DCAF8L2: variants seen among roughly 807,000 people sequenced by gnomAD.
The protein encoded by DCAF8L2 is DDB1- and CUL4-associated factor 8-like protein 2.
For synonymous variants in DCAF8L2, 200 were observed against 190.9 expected (o/e 1.05, Z -0.39); for missense variants, 430 against 490.7 (o/e 0.88, Z 1.17).
At chrX:27,530,769 G>A in the DCAF8L2 span, among the ~76,000 whole-genome samples, 4 of 111,875 alleles carry the variant, frequency 3.6e-5, no homozygotes, top group East Asian at 1.1e-3. Flanking sequence ...TTGAGGTACG[G>A]TCATATTATT....
upstream of DCAF8L2, among the ~76,000 whole-genome samples, chrX:27,587,985 A>ATATATATATATATATATAT (rs1555915915): frequency 4.5e-5 from 1 of 22,371 alleles, no homozygotes; most frequent in African/African-American, 9.8e-5. Context: ...TAAAAAAAAA[A>ATATATATATATATATATAT]ATATATATAT....
the DCAF8L2 span, among the ~76,000 whole-genome samples, chrX:27,552,422 A>C: frequency 9.0e-6 from 1 of 111,201 alleles, no homozygotes; most frequent in South Asian, 3.8e-4. Context: ...GTAGTTTTAT[A>C]ATTTTGAGTT....
chrX:27,713,431 GAAAC>G (rs1931594356), intron 3 of DCAF8L2, among the ~76,000 whole-genome samples: 1 of 111,434 alleles, frequency 9.0e-6, no homozygotes, highest in Non-Finnish European at 1.9e-5. Context: ...GTAGTTGAAA[GAAAC>G]TCTTCAGGAG....
rs750649421 is a variant in DCAF8L2 at position 27,743,698 on chromosome X, ATTATTTATTTATTTATTTAT to A, written c.-58-3109_-58-3090del. ...GCATGAGCCACCATGCCTGGCTTTT[ATTATTTATTTATTTATTTAT>A]TTATTTATTTATTTATTTATTTATT... On this transcript the variant is annotated intron_variant, in intron 4 of 4. Transcript: ENST00000451261. 1.0e-4 allele frequency among the ~76,000 whole-genome samples: 9 copies of A among 86,778 alleles called. No homozygotes were observed. In the East Asian group the frequency reaches 1.1e-3, roughly 11 times the overall value. The allele number at this position is 86,778 out of a possible 115,157, so 75.4% of individuals were successfully genotyped here. A position where few individuals can be genotyped will look rare whatever the true frequency, so the allele number is the denominator to read the frequency against.
intron 2 of DCAF8L2, among the ~76,000 whole-genome samples, chrX:27,636,567 A>G (rs1240948048): frequency 1.8e-5 from 2 of 111,750 alleles, no homozygotes; most frequent in Non-Finnish European, 3.8e-5. Context: ...AATATTGAGG[A>G]AAAGAGACTG....
the DCAF8L2 span, among the ~76,000 whole-genome samples, chrX:27,487,723 C>T: frequency 5.3e-5 from 6 of 112,264 alleles, no homozygotes; most frequent in Admixed American, 9.5e-5. Flanking sequence ...TCTCAAAAAT[C>T]TAATTTTTAA....
At chrX:27,593,881 T>G (rs1332887682) in intron 1 of DCAF8L2, among the ~76,000 whole-genome samples, 3 of 111,984 alleles carry the variant, frequency 2.7e-5, no homozygotes. Context: ...GACTAATTGC[T>G]AAAGGTAACA....
the DCAF8L2 span, among the ~76,000 whole-genome samples, chrX:27,581,589 A>ATT: frequency 0.47 from 44,917 of 94,943 alleles, 9,100 homozygotes; most frequent in South Asian, 0.61. Context: ...ATTTAATACA[A>ATT]TTTTTTTTTT....
chrX:27,594,127 C>T (rs919376944), intron 1 of DCAF8L2, among the ~76,000 whole-genome samples: 1 of 111,545 alleles, frequency 9.0e-6, no homozygotes, highest in African/African-American at 3.3e-5. Flanking sequence ...CATGTGTATC[C>T]ACCATGTTTA....
At chrX:27,609,621 G>A (rs1239024356) in intron 1 of DCAF8L2, among the ~76,000 whole-genome samples, 1 of 111,395 alleles carries the variant, frequency 9.0e-6, no homozygotes, top group African/African-American at 3.3e-5. Flanking sequence ...CCATTCTCAG[G>A]TCACTGGATT....
At chrX:27,551,444 C>A in the DCAF8L2 span, among the ~76,000 whole-genome samples, 18 of 110,778 alleles carry the variant, frequency 1.6e-4, no homozygotes, top group East Asian at 4.9e-3. Flanking sequence ...CTATTTTAAA[C>A]TTAATAGAAT....
chrX:27,602,671 A>T (rs2147123207), intron 1 of DCAF8L2, among the ~76,000 whole-genome samples: 1 of 111,894 alleles, frequency 8.9e-6, no homozygotes, highest in South Asian at 3.7e-4. Context: ...TTTATAAATT[A>T]TGTCTTTATT....
chrX:27,528,247 G>A, the DCAF8L2 span, among the ~76,000 whole-genome samples: 6 of 106,893 alleles, frequency 5.6e-5, no homozygotes, highest in Admixed American at 3.1e-4. Flanking sequence ...TATTGAGACC[G>A]TTGCTCATCT....
chrX:27,469,752 C>T, the DCAF8L2 span, among the ~76,000 whole-genome samples: 43 of 109,830 alleles, frequency 3.9e-4, no homozygotes, highest in Non-Finnish European at 7.0e-4. Flanking sequence ...GTTTTGTTAC[C>T]GCTTGCTGAT....
the DCAF8L2 span, among the ~76,000 whole-genome samples, chrX:27,526,101 G>T: frequency 8.9e-6 from 1 of 111,768 alleles, no homozygotes; most frequent in Non-Finnish European, 1.9e-5. Context: ...AGTTCTCCTG[G>T]ATAATATCCT....
the DCAF8L2 span, among the ~76,000 whole-genome samples, chrX:27,514,252 C>CCT: frequency 4.6e-4 from 49 of 107,447 alleles, 6 homozygotes; most frequent in Middle Eastern, 4.7e-3. Context: ...CACATATGTA[C>CCT]ATATATGTGT....
At chrX:27,570,422 G>A in the DCAF8L2 span, among the ~76,000 whole-genome samples, 3 of 111,526 alleles carry the variant, frequency 2.7e-5, no homozygotes, top group East Asian at 8.5e-4. Context: ...AGCACTTTGG[G>A]AGAGGGATAT....
In DCAF8L2 at chrX:27,698,441, A is replaced by G. The variant is rs190505577; in HGVS notation, c.-142-17647A>G. Among the ~76,000 whole-genome samples, 12 of 111,588 alleles carry G rather than the reference A, an allele frequency of 1.1e-4. 1 individual carries two copies. The highest frequency in any genetic ancestry group is 3.9e-4 in the African/African-American group (12 of 30,752). On this transcript the variant is annotated intron_variant, in intron 3 of 4. Coordinates refer to ENST00000451261, the MANE Select transcript of DCAF8L2 (RefSeq NM_001353450.2). ...GAACTTGTAGGACTGAATCTCCTCC[A>G]TACAAATGGAGAGGACACATGAGAG...
intron 3 of DCAF8L2, among the ~76,000 whole-genome samples, chrX:27,714,921 T>C (rs1931646377): frequency 8.9e-6 from 1 of 111,836 alleles, no homozygotes; most frequent in African/African-American, 3.3e-5. Flanking sequence ...ATTTTTATTT[T>C]TTTAGTTAAA....
Sources: gnomAD v4.1 joint callset for allele counts (sites outside exome capture counted in the v4.1 genomes callset) on GRCh38, gnomAD v4.1.1 for gene constraint, MANE v1.5 for transcripts, NCBI Gene and HGNC (gene_info 2026-07-23, HGNC 2026-07-21) for gene names.